The following UBN1 variants were observed in gnomAD, a reference collection of about 807,000 sequenced individuals.
UBN1 encodes the protein ubinuclein 1.
A neutral mutation model predicts 108.5 loss-of-function variants in UBN1; 17 were observed. The ratio of observed to expected loss-of-function variants is 0.16; its 90% confidence interval spans 0.11 to 0.24. The LOEUF is 0.24. Ranked by LOEUF, UBN1 falls within the 10% of genes least tolerant of loss-of-function variation. The pLI is 1.00. For missense variants in UBN1, 1,595 were observed against 1,394.4 expected (o/e 1.14, Z -2.29); for synonymous variants, 726 against 564.2 (o/e 1.29, Z -4.07).
intron 2 of UBN1, 79 bp from the exon 3 acceptor site, chr16:4,857,911 G>A (rs776718846): frequency 2.1e-5 from 22 of 1,027,040 alleles, no homozygotes; most frequent in Non-Finnish European, 3.3e-5. Context: ...TAGAGGTATT[G>A]AGTAATCAGT....
At chr16:4,859,791 A>T (rs1389848898) in intron 5 of UBN1, 74 bp from the exon 6 acceptor site, 4 of 1,593,904 alleles carry the variant, frequency 2.5e-6, no homozygotes, top group Non-Finnish European at 3.4e-6. Context: ...GGGCGGAGCA[A>T]GGCCAGTGCC....
intron 17 of UBN1, among the ~76,000 whole-genome samples, chr16:4,879,026 C>G (rs1040034089): frequency 6.6e-6 from 1 of 151,678 alleles, no homozygotes. Flanking sequence ...TTGCTTTCTG[C>G]TATATTTTCA....
chr16:4,860,984 A>T lies in UBN1; in HGVS notation c.992A>T (p.Asp331Val). ...TCTCCAGAAGGAAGTCCCTTCCGAGATATGGATGATGGAAGTGATTCCCTT... is the reference window on the plus strand; with the variant it reads ...TCTCCAGAAGGAAGTCCCTTCCGAGTTATGGATGATGGAAGTGATTCCCTT... ...SESPEGSPFRDMDDGSDSLGV... is the reference protein window; with the variant it reads ...SESPEGSPFRVMDDGSDSLGV... The change falls in exon 7 of 18, where the codon GAT becomes GTT. Residue 331 changes from aspartate (D) to valine (V), a missense_variant. This residue lies in a region of UBN1 where 1,398 missense variants were observed against 1,194.7 expected (regional missense o/e 1.17). Coordinates refer to ENST00000262376, the MANE Select transcript of UBN1 (RefSeq NM_001079514.3). 1 of 1,614,222 alleles carries T rather than the reference A, an allele frequency of 6.2e-7. No homozygotes were observed. The highest frequency in any genetic ancestry group is 2.2e-5 in the East Asian group (1 of 44,880).
In UBN1 at chr16:4,880,283, T is replaced by A; in HGVS notation, c.*151T>A. The A allele has an allele frequency of 1.2e-6, 1 of 868,372 alleles. No homozygotes were observed. Among genetic ancestry groups the A allele is most frequent in the Non-Finnish European group, 1.9e-6 (1 of 539,140 alleles). The allele number at this position is 868,372 out of a possible 1,614,324, so 53.8% of individuals were successfully genotyped here. A position where few individuals can be genotyped will look rare whatever the true frequency, so the allele number is the denominator to read the frequency against. The stretch of plus-strand genomic sequence containing the variant: ...GCGGAGCGCTTCTCGGCACTTCTGA[T>A]GTGCCTCCCATGGAGGGAGCCGGGC... On this transcript the variant is annotated 3_prime_UTR_variant, in exon 18 of 18. Transcript: ENST00000262376.
At chr16:4,869,462 T>C (rs1015784767) in intron 8 of UBN1, among the ~76,000 whole-genome samples, 1 of 152,260 alleles carries the variant, frequency 6.6e-6, no homozygotes, top group African/African-American at 2.4e-5. Context: ...CTGGGAAAAG[T>C]GAATCCTTGT....
At position 4,877,622 on chromosome 16, in the gene UBN1, T is replaced by C. The variant is rs1043984220; in HGVS notation, c.3355+148T>C. 2.2e-6 allele frequency: 3 copies of C among 1,384,432 alleles called. No homozygotes were observed. Among genetic ancestry groups the C allele is most frequent in the Non-Finnish European group, 1.9e-6 (2 of 1,072,132 alleles). The allele number at this position is 1,384,432 out of a possible 1,614,324, so 85.8% of individuals were successfully genotyped here. ...GTCCTTTGAGGCTGTGCTTTGTCAGTACTCAGGGTGACACGCACTTCTACT... is the reference window on the plus strand; with the variant it reads ...GTCCTTTGAGGCTGTGCTTTGTCAGCACTCAGGGTGACACGCACTTCTACT... On this transcript the variant is annotated intron_variant, in intron 17 of 17. Transcript: ENST00000262376. This position sits in a 1 kb window ranked among gnomAD's most constrained non-coding sequence, Gnocchi z 4.3.
chr16:4,874,871 T>C lies in UBN1; in HGVS notation c.2461T>C (p.Ser821Pro). The C allele has an allele frequency of 5.0e-6, 8 of 1,613,964 alleles. No individual in the cohort carries two copies. The highest frequency in any genetic ancestry group is 1.1e-5 in the South Asian group (1 of 91,076). Residue 821 changes from serine (S) to proline (P), a missense_variant, in exon 15 of 18, where the codon TCT becomes CCT. By Grantham distance (74) the Ser-to-Pro change is moderately conservative (BLOSUM62 -1). Around this residue, in one of 3 missense-constraint regions of UBN1, gnomAD observed 1,398 missense variants for 1,194.7 expected, o/e 1.17. Transcript: ENST00000262376. The stretch of plus-strand genomic sequence containing the variant: ...GCAGCAGAAAAACTTCACGCCCCCA[T>C]CTCCATTTGCCAATAAGCTCCAAGG... ...TQQQKNFTPP[S>P]PFANKLQGPK...
intron 12 of UBN1, 74 bp from the exon 13 acceptor site, chr16:4,872,810 A>C (rs532321015): frequency 6.4e-7 from 1 of 1,555,958 alleles, no homozygotes; most frequent in Non-Finnish European, 8.9e-7. Flanking sequence ...GACCAGGGAC[A>C]CTAGCAAAGT....
At chr16:4,851,353 G>A (rs1328704056) in intron 1 of UBN1, among the ~76,000 whole-genome samples, 1 of 152,170 alleles carries the variant, frequency 6.6e-6, no homozygotes, top group Non-Finnish European at 1.5e-5. Context: ...GGGAGGCTGA[G>A]GTAGGAGGAT....
intron 7 of UBN1, among the ~76,000 whole-genome samples, chr16:4,864,161 A>C (rs915957268): frequency 4.1e-5 from 6 of 147,994 alleles, no homozygotes; most frequent in Non-Finnish European, 8.9e-5. Context: ...GCTCACTGCA[A>C]CATCCACCTC....
chr16:4,853,132 G>A lies in UBN1; in HGVS notation c.215G>A (p.Arg72Gln), dbSNP rs761822086. 7.4e-6 allele frequency: 12 copies of A among 1,614,094 alleles called. No individual in the cohort carries two copies. Among genetic ancestry groups the A allele is most frequent in the African/African-American group, 4.0e-5 (3 of 74,942 alleles). The part of the protein sequence containing the change: ...FFYPELVKNI[R>Q]GKVKGLQPGD... ...TACCCAGAGCTGGTGAAGAATATCC[G>A]AGGGAAGGTAAAAGGCCTTCAGCCT... Residue 72 changes from arginine (R) to glutamine (Q), a missense_variant, in exon 2 of 18, where the codon CGA (arginine) becomes CAA (glutamine). Around this residue, in one of 3 missense-constraint regions of UBN1, gnomAD observed 181 missense variants for 157.3 expected, o/e 1.15. Coordinates refer to ENST00000262376, the MANE Select transcript of UBN1 (RefSeq NM_001079514.3).
At chr16:4,867,639 T>C (rs2087400784) in intron 7 of UBN1, among the ~76,000 whole-genome samples, 1 of 152,152 alleles carries the variant, frequency 6.6e-6, no homozygotes, top group African/African-American at 2.4e-5. Flanking sequence ...AAGAAGTTAT[T>C]GGGAGAAGTG....
intron 7 of UBN1, among the ~76,000 whole-genome samples, chr16:4,866,882 T>C (rs2087360770): frequency 6.6e-6 from 1 of 152,154 alleles, no homozygotes; most frequent in Non-Finnish European, 1.5e-5. Flanking sequence ...CAATGGACTG[T>C]AGTACAGAGC....
rs1344577445 is a variant in UBN1 at position 4,847,576 on chromosome 16, A to T, written c.-674A>T. Reference sequence around the variant, plus strand: ...GTGCGACCGGCTGAGCGCGAGAGGGAGCCGGCCTCGCGGCTCGCCCCGCCC... The same window carrying T: ...GTGCGACCGGCTGAGCGCGAGAGGGTGCCGGCCTCGCGGCTCGCCCCGCCC... On this transcript the variant is annotated 5_prime_UTR_variant, in exon 1 of 18. Coordinates refer to ENST00000262376, the MANE Select transcript of UBN1 (RefSeq NM_001079514.3). 1 of 378,816 alleles carries T rather than the reference A, an allele frequency of 2.6e-6. No homozygotes were observed. Among genetic ancestry groups the T allele is most frequent in the Non-Finnish European group, 4.8e-6 (1 of 210,166 alleles). The allele number at this position is 378,816 out of a possible 1,614,324, so 23.5% of individuals were successfully genotyped here.
At chr16:4,857,908 AT>A (rs1596482769) in intron 2 of UBN1, 81 bp from the exon 3 acceptor site, 1 of 985,978 alleles carries the variant, frequency 1.0e-6, no homozygotes. Flanking sequence ...TTATAGAGGT[AT>A]TGAGTAATCA....
intron 1 of UBN1, among the ~76,000 whole-genome samples, chr16:4,850,986 A>G (rs7186142): frequency 0.59 from 89,502 of 152,122 alleles, 28,527 homozygotes; most frequent in African/African-American, 0.84. Flanking sequence ...TGCAATACTG[A>G]TTAAAGAATC....
rs116929607 is a variant in UBN1 at position 4,862,012 on chromosome 16, A to G, written c.1110+910A>G. On this transcript the variant is annotated intron_variant, in intron 7 of 17. Coordinates refer to ENST00000262376, the MANE Select transcript of UBN1 (RefSeq NM_001079514.3). ...TGCTGTTTTACTCCAGTGATTGGGA[A>G]TTAAGCACTGAGAATTGTCTGTTCA... Among the ~76,000 whole-genome samples, 14 of 152,372 alleles carry G rather than the reference A, an allele frequency of 9.2e-5. No individual in the cohort carries two copies. The East Asian group carries it at 2.7e-3, about 29-fold the overall frequency.
In UBN1 at chr16:4,870,300, G is replaced by A. The variant is rs753401890; in HGVS notation, c.1270G>A (p.Ala424Thr). The change falls in exon 9 of 18, where the codon GCC (alanine) becomes ACC (threonine). Residue 424 changes from alanine (A) to threonine (T), a missense_variant. Around this residue, in one of 3 missense-constraint regions of UBN1, gnomAD observed 1,398 missense variants for 1,194.7 expected, o/e 1.17. Coordinates refer to ENST00000262376, the MANE Select transcript of UBN1 (RefSeq NM_001079514.3). ...LASFLPCSKDALLKRARKLHL... is the reference protein window; with the variant it reads ...LASFLPCSKDTLLKRARKLHL... The stretch of plus-strand genomic sequence containing the variant: ...GTCATTCCTGCCCTGCAGCAAGGAT[G>A]CCCTGCTCAAGCGTGCTCGGAAACT... 8 of 1,614,206 alleles carry A rather than the reference G, an allele frequency of 5.0e-6. No individual in the cohort carries two copies. The African/African-American group carries it at 9.3e-5, about 19-fold the overall frequency.
intron 2 of UBN1, among the ~76,000 whole-genome samples, chr16:4,854,038 GTT>G (rs1033456381): frequency 3.3e-5 from 5 of 152,004 alleles, no homozygotes; most frequent in African/African-American, 4.8e-5. Flanking sequence ...GATTTGTGGG[GTT>G]TTTTTGTTTT....
Sources: gnomAD v4.1 joint callset for allele counts (sites outside exome capture counted in the v4.1 genomes callset) on GRCh38, gnomAD v4.1.1 for gene constraint, gnomAD v4.1.1 regional missense constraint, Gnocchi (gnomAD v3.1) non-coding constraint, MANE v1.5 for transcripts, NCBI Gene and HGNC (gene_info 2026-07-23, HGNC 2026-07-21) for gene names.